The following FNDC3B variants were observed in gnomAD, a reference collection of about 807,000 sequenced individuals.
The protein encoded by FNDC3B is fibronectin type III domain-containing protein 3B.
In FNDC3B, 12 loss-of-function variants were observed where a neutral mutation model predicts 151.5. The ratio of observed to expected loss-of-function variants is 0.08; its 90% CI spans 0.05 to 0.13. The LOEUF (loss-of-function observed/expected upper bound fraction) is 0.13. Ranked by LOEUF, FNDC3B falls within the 10% of genes least tolerant of loss-of-function variation. FNDC3B has a pLI of 1.00. For missense variants in FNDC3B, 1,214 were observed against 1,505.3 expected, an observed-to-expected ratio of 0.81 and a Z score of 3.20; for synonymous variants, 528 against 549.0, an observed-to-expected ratio of 0.96 and a Z score of 0.54.
Position 172,243,270 on chromosome 3 carries a change from C to T in FNDC3B, c.265-4263C>T, listed in dbSNP as rs180886064. 6.5e-4 allele frequency among the ~76,000 whole-genome samples: 99 copies of T among 152,284 alleles called. 1 individual carries two copies. In the East Asian group the frequency reaches 0.01, roughly 16 times the overall value. The stretch of plus-strand genomic sequence containing the variant: ...AGTTTCAAAGTTGCTTCCACATTTT[C>T]GGGTAACTTTTCAGCAATGTGCCAC... On this transcript the variant is annotated intron_variant, in intron 4 of 25. Transcript: ENST00000415807.
At chr3:172,297,973 G>A (rs73031402) in intron 8 of FNDC3B, among the ~76,000 whole-genome samples, 2,008 of 152,094 alleles carry the variant, frequency 0.013, 40 homozygotes, top group African/African-American at 0.046. Flanking sequence ...TGAAAAATTG[G>A]GCAGTTTTCA....
intron 6 of FNDC3B, among the ~76,000 whole-genome samples, chr3:172,284,377 C>T (rs1363137721): frequency 2.0e-5 from 3 of 152,104 alleles, no homozygotes; most frequent in Admixed American, 6.6e-5. Flanking sequence ...CTACTCCGGA[C>T]CCTGTGGTGT....
intron 6 of FNDC3B, among the ~76,000 whole-genome samples, chr3:172,270,698 A>G (rs542963804): frequency 1.3e-5 from 2 of 152,270 alleles, no homozygotes; most frequent in African/African-American, 4.8e-5. Flanking sequence ...GCAAGAGTTC[A>G]CCCTTGACTA....
intron 4 of FNDC3B, among the ~76,000 whole-genome samples, chr3:172,233,489 A>C (rs967993582): frequency 3.3e-5 from 5 of 152,220 alleles, no homozygotes; most frequent in Non-Finnish European, 5.9e-5. Flanking sequence ...TTGGTTGGTC[A>C]TTTGCCAATG....
Position 172,397,607 on chromosome 3 carries a change from A to T in FNDC3B, c.*132A>T. Reference sequence around the variant, plus strand: ...GTTTTACAGATTTAGCTAGAAAAAAAATGTCAGTGTTTTGGTGCACCTTTT... The same window carrying T: ...GTTTTACAGATTTAGCTAGAAAAAATATGTCAGTGTTTTGGTGCACCTTTT... On this transcript the variant is annotated 3_prime_UTR_variant, in exon 26 of 26. Transcript: ENST00000415807. 2.0e-6 allele frequency: 1 copy of T among 492,670 alleles called. No individual in the cohort carries two copies. Among genetic ancestry groups the T allele is most frequent in the Non-Finnish European group, 3.3e-6 (1 of 301,566 alleles). The allele number at this position is 492,670 out of a possible 1,614,324, so 30.5% of individuals were successfully genotyped here. A position where few individuals can be genotyped will look rare whatever the true frequency, so the allele number is the denominator to read the frequency against.
intron 3 of FNDC3B, among the ~76,000 whole-genome samples, chr3:172,207,487 G>A (rs1725491221): frequency 1.3e-5 from 2 of 152,118 alleles, no homozygotes. Context: ...GTTTTGATAG[G>A]CTAGACTTCT....
intron 1 of FNDC3B, among the ~76,000 whole-genome samples, chr3:172,060,340 A>AGTG (rs1488294864): frequency 6.6e-6 from 1 of 152,006 alleles, no homozygotes; most frequent in Non-Finnish European, 1.5e-5. Context: ...GTGAGAGTGT[A>AGTG]GTGGTGGTGG....
intron 1 of FNDC3B, among the ~76,000 whole-genome samples, chr3:172,041,574 A>G (rs1476015365): frequency 6.6e-6 from 1 of 151,242 alleles, no homozygotes; most frequent in Non-Finnish European, 1.5e-5. Flanking sequence ...AAGAGTCAGA[A>G]GGAGCAGACA....
intron 8 of FNDC3B, among the ~76,000 whole-genome samples, chr3:172,297,656 A>G (rs1730693217): frequency 6.6e-6 from 1 of 151,982 alleles, no homozygotes; most frequent in Admixed American, 6.6e-5. Flanking sequence ...TTGTATTTTT[A>G]GTAGAGACGG....
At chr3:172,068,144 T>C (rs529919576) in intron 1 of FNDC3B, among the ~76,000 whole-genome samples, 2 of 152,302 alleles carry the variant, frequency 1.3e-5, no homozygotes, top group Admixed American at 1.3e-4. Context: ...TTATACACTT[T>C]TGTCATTTAG....
intron 3 of FNDC3B, among the ~76,000 whole-genome samples, chr3:172,219,968 A>G (rs1422149207): frequency 6.6e-6 from 1 of 152,140 alleles, no homozygotes; most frequent in East Asian, 1.9e-4. Flanking sequence ...ATTCTCTTGG[A>G]TATATTACTT....
chr3:172,152,118 C>T (rs1001374384), intron 3 of FNDC3B, among the ~76,000 whole-genome samples: 7 of 152,216 alleles, frequency 4.6e-5, no homozygotes, highest in Non-Finnish European at 8.8e-5. Flanking sequence ...ATACCTTTTA[C>T]ATCACCAACT....
intron 4 of FNDC3B, among the ~76,000 whole-genome samples, chr3:172,240,832 C>T (rs556559499): frequency 3.3e-4 from 50 of 152,288 alleles, no homozygotes; most frequent in African/African-American, 1.0e-3. Flanking sequence ...CTGTTATCCC[C>T]AGGCTGTTTC....
intron 11 of FNDC3B, among the ~76,000 whole-genome samples, chr3:172,326,081 C>T (rs1357233466): frequency 2.6e-5 from 4 of 152,228 alleles, no homozygotes; most frequent in Admixed American, 2.0e-4. Context: ...CTCCCTCAGC[C>T]TCCCAAAGTG....
At chr3:172,178,634 A>G (rs1485911126) in intron 3 of FNDC3B, among the ~76,000 whole-genome samples, 1 of 152,208 alleles carries the variant, frequency 6.6e-6, no homozygotes, top group Non-Finnish European at 1.5e-5. Context: ...AAAGAGCTGG[A>G]CACATGTGGA....
chr3:172,297,879 A>T (rs916851564), intron 8 of FNDC3B, among the ~76,000 whole-genome samples: 1 of 152,266 alleles, frequency 6.6e-6, no homozygotes, highest in Non-Finnish European at 1.5e-5. Context: ...ATAACTTCAT[A>T]AACTTACATT....
chr3:172,347,292 T>A lies in FNDC3B; in HGVS notation c.2445T>A (p.Tyr815Ter). 1 of 1,614,118 alleles carries A rather than the reference T, an allele frequency of 6.2e-7. No individual in the cohort carries two copies. Among genetic ancestry groups the A allele is most frequent in the Non-Finnish European group, 8.5e-7 (1 of 1,180,006 alleles). The change falls in exon 21 of 26, where the codon TAT becomes TAA. Residue 815 changes from tyrosine to a stop codon, truncating the protein, a stop_gained. Coordinates refer to ENST00000415807, the MANE Select transcript of FNDC3B (RefSeq NM_022763.4). LOFTEE classifies it high-confidence loss of function. ...GEDEESLELI[Y>*]HGTDTRFEIR... ...ATGAAGAATCCTTAGAACTCATTTA[T>A]CATGGGACAGACACCCGTTTTGAAA...
rs150255627 is a variant in FNDC3B, at chr3:172,200,717, C to A, written c.188-26154C>A. ...ATGCTGGGTTTATCAGAATGTAACC[C>A]CCCTCTTAAGTGGAGGAGCATCTGT... On this transcript the variant is annotated intron_variant, in intron 3 of 25. Coordinates refer to ENST00000415807, the MANE Select transcript of FNDC3B (RefSeq NM_022763.4). Among the ~76,000 whole-genome samples, 616 of 152,230 alleles carry A rather than the reference C, an allele frequency of 4.0e-3. 3 individuals are homozygous for A. The highest frequency in any genetic ancestry group is 0.014 in the African/African-American group (583 of 41,538).
intron 2 of FNDC3B, among the ~76,000 whole-genome samples, chr3:172,114,772 C>A (rs1250511484): frequency 6.6e-6 from 1 of 152,036 alleles, no homozygotes; most frequent in Non-Finnish European, 1.5e-5. Flanking sequence ...TTTTTTTAAT[C>A]TTATTAAAGC....
Sources: allele counts gnomAD v4.1 joint callset (sites outside exome capture counted in the v4.1 genomes callset), GRCh38; gene constraint gnomAD v4.1.1; transcripts MANE v1.5; gene names NCBI Gene and HGNC (gene_info 2026-07-23, HGNC 2026-07-21).